GPC6: variants seen among roughly 807,000 people sequenced by gnomAD.
GPC6 encodes the protein glypican 6.
In GPC6, 14 loss-of-function variants were observed where a neutral mutation model predicts 55.2. The observed-to-expected ratio is 0.25, with a 90% CI of 0.17 to 0.40. The LOEUF is 0.40. Among genes scored for constraint, GPC6 ranks in the 10% least tolerant of loss-of-function variants. GPC6 has a pLI of 1.00. For synonymous variants in GPC6, 278 were observed against 259.6 expected, an observed-to-expected ratio of 1.07 and a Z score of -0.68; for missense variants, 641 against 708.5, an observed-to-expected ratio of 0.90 and a Z score of 1.08.
intron 1 of GPC6, among the ~76,000 whole-genome samples, chr13:93,523,222 T>C (rs910196595): frequency 6.9e-6 from 1 of 144,908 alleles, no homozygotes; most frequent in African/African-American, 2.5e-5. Context: ...TATATATGGG[T>C]ACATATATAC....
At chr13:93,324,556 A>G (rs201952669) in intron 1 of GPC6, among the ~76,000 whole-genome samples, 43 of 135,052 alleles carry the variant, frequency 3.2e-4, no homozygotes, top group East Asian at 9.5e-4. Context: ...ATATATATAT[A>G]TGTGTATATA....
intron 2 of GPC6, among the ~76,000 whole-genome samples, chr13:93,547,898 T>C (rs1874918164): frequency 6.6e-6 from 1 of 152,172 alleles, no homozygotes. Flanking sequence ...GTATGATTTA[T>C]TTTCTTTTGT....
intron 1 of GPC6, among the ~76,000 whole-genome samples, chr13:93,437,626 G>A (rs145294029): frequency 2.0e-5 from 3 of 152,132 alleles, no homozygotes; most frequent in Non-Finnish European, 4.4e-5. Flanking sequence ...AAAATGTAAG[G>A]GAGATGCACA....
intron 6 of GPC6, among the ~76,000 whole-genome samples, chr13:94,325,216 T>C (rs573754532): frequency 4.0e-4 from 61 of 152,234 alleles, no homozygotes; most frequent in African/African-American, 1.4e-3. Context: ...TGTTCCTTTC[T>C]GACACCAGGA....
chr13:93,990,448 G>A (rs1881245598), intron 3 of GPC6, among the ~76,000 whole-genome samples: 1 of 152,066 alleles, frequency 6.6e-6, no homozygotes, highest in African/African-American at 2.4e-5. Flanking sequence ...AGGATAAAAT[G>A]TACAGTTGGG....
Position 93,478,031 on chromosome 13 carries a change from G to C in GPC6, c.161-67232G>C, listed in dbSNP as rs559344006. Among the ~76,000 whole-genome samples the C allele has an allele frequency of 2.1e-3, 319 of 152,168 alleles. 1 individual carries two copies. The highest frequency in any genetic ancestry group is 3.7e-3 in the Non-Finnish European group (255 of 68,000). On this transcript the variant is annotated intron_variant, in intron 1 of 8. Coordinates refer to ENST00000377047, the MANE Select transcript of GPC6 (RefSeq NM_005708.5). ...ATCTGTTTAAATGGAGGCTTTTAGA[G>C]TAGCTAGAGCCTGGTCATTGGGCAT...
intron 4 of GPC6, among the ~76,000 whole-genome samples, chr13:94,174,230 T>C (rs2138934437): frequency 6.6e-6 from 1 of 152,250 alleles, no homozygotes; most frequent in East Asian, 1.9e-4. Context: ...AATGCATGGG[T>C]TAGTGAACCT....
chr13:93,432,342 T>A (rs1594165511), intron 1 of GPC6, among the ~76,000 whole-genome samples: 1 of 152,028 alleles, frequency 6.6e-6, no homozygotes, highest in East Asian at 1.9e-4. Flanking sequence ...AAGGTGTAAG[T>A]GAAATGTATT....
intron 1 of GPC6, among the ~76,000 whole-genome samples, chr13:93,446,358 C>T (rs1041455564): frequency 2.6e-5 from 4 of 152,066 alleles, no homozygotes; most frequent in African/African-American, 9.7e-5. Context: ...TCTTGCTGCA[C>T]CACTGAGATC....
chr13:94,222,446 G>A (rs1382515222), intron 4 of GPC6, among the ~76,000 whole-genome samples: 5 of 152,146 alleles, frequency 3.3e-5, no homozygotes, highest in Admixed American at 6.6e-5. Flanking sequence ...AGACACATTA[G>A]GGAATGACTG....
At chr13:93,372,240 A>C (rs771036828) in intron 1 of GPC6, among the ~76,000 whole-genome samples, 2 of 152,158 alleles carry the variant, frequency 1.3e-5, no homozygotes, top group Non-Finnish European at 1.5e-5. Context: ...TGTAGTAACA[A>C]GGCAGAGTTT....
At chr13:93,685,733 A>G (rs1194923079) in intron 2 of GPC6, among the ~76,000 whole-genome samples, 1 of 152,170 alleles carries the variant, frequency 6.6e-6, no homozygotes, top group Non-Finnish European at 1.5e-5. Context: ...CAAACAAACA[A>G]AAAAACAAAC....
At chr13:93,648,027 C>A (rs1367024947) in intron 2 of GPC6, among the ~76,000 whole-genome samples, 1 of 152,074 alleles carries the variant, frequency 6.6e-6, no homozygotes, top group Non-Finnish European at 1.5e-5. Flanking sequence ...CGAGTGGCAC[C>A]ATCCTTGAAA....
chr13:93,713,799 T>C (rs1050934745), intron 2 of GPC6, among the ~76,000 whole-genome samples: 2 of 151,750 alleles, frequency 1.3e-5, no homozygotes, highest in East Asian at 1.9e-4. Flanking sequence ...GCAACACTTA[T>C]TCTACATATT....
chr13:93,883,197 TAA>T (rs1283790369), intron 3 of GPC6, among the ~76,000 whole-genome samples: 1 of 150,800 alleles, frequency 6.6e-6, no homozygotes, highest in African/African-American at 2.4e-5. Flanking sequence ...TGATCAATAG[TAA>T]AATTGTAGAA....
At chr13:94,057,528 C>T (rs556156847) in intron 4 of GPC6, among the ~76,000 whole-genome samples, 18 of 152,052 alleles carry the variant, frequency 1.2e-4, no homozygotes, top group Non-Finnish European at 2.1e-4. Context: ...TTGAATAAAA[C>T]GAAGGGAATA....
intron 3 of GPC6, among the ~76,000 whole-genome samples, chr13:93,883,160 T>A (rs1207267580): frequency 6.6e-6 from 1 of 151,024 alleles, no homozygotes; most frequent in South Asian, 2.1e-4. Flanking sequence ...ACCTGACAAC[T>A]TTTTGTCTGG....
chr13:93,551,606 G>A (rs1002967722), intron 2 of GPC6, among the ~76,000 whole-genome samples: 2 of 152,094 alleles, frequency 1.3e-5, no homozygotes, highest in Admixed American at 6.6e-5. Flanking sequence ...GTCTTCCTAA[G>A]GTTCATAAGC....
chr13:94,369,991 G>A (rs781099467), intron 6 of GPC6, among the ~76,000 whole-genome samples: 2 of 152,174 alleles, frequency 1.3e-5, no homozygotes, highest in African/African-American at 2.4e-5. Context: ...TGAAGCACTG[G>A]TACACACAAA....
Sources: allele counts gnomAD v4.1 joint callset (sites outside exome capture counted in the v4.1 genomes callset), GRCh38; gene constraint gnomAD v4.1.1; transcripts MANE v1.5; gene names NCBI Gene and HGNC (gene_info 2026-07-23, HGNC 2026-07-21).